The following PITPNM2 variants were observed in gnomAD, a reference collection of about 807,000 sequenced individuals.
PITPNM2 encodes membrane-associated phosphatidylinositol transfer protein 2.
PITPNM2 carries 35 observed loss-of-function variants against 132.2 expected under a neutral mutation model. The ratio of observed to expected loss-of-function variants is 0.26; its 90% CI spans 0.20 to 0.35. The LOEUF (loss-of-function observed/expected upper bound fraction) is 0.35. Among genes scored for constraint, PITPNM2 ranks in the 10% least tolerant of loss-of-function variants. The pLI, the probability that PITPNM2 is intolerant of heterozygous loss-of-function variation, is 1.00. For missense variants in PITPNM2, 1,332 were observed against 1,912.0 expected (o/e 0.70, Z 5.66); for synonymous variants, 738 against 799.2 (o/e 0.92, Z 1.29).
chr12:123,086,266 C>A (rs1303945498), intron 2 of PITPNM2, among the ~76,000 whole-genome samples: 1 of 152,194 alleles, frequency 6.6e-6, no homozygotes, highest in Non-Finnish European at 1.5e-5. Context: ...CAGGTCCTGG[C>A]TCCATCATTT....
intron 1 of PITPNM2, among the ~76,000 whole-genome samples, chr12:123,137,902 A>AG (rs61411333): frequency 0.069 from 10,387 of 150,228 alleles, 520 homozygotes; most frequent in African/African-American, 0.14. Context: ...CAAAAAAAAA[A>AG]AAAAAGAAGA....
chr12:123,132,451 G>A (rs1020222053), intron 1 of PITPNM2, among the ~76,000 whole-genome samples: 5 of 152,086 alleles, frequency 3.3e-5, no homozygotes, highest in Admixed American at 1.3e-4. Context: ...GAGGTTCTCA[G>A]CAGTATTCAT....
chr12:123,081,697 G>A (rs2041968657), intron 2 of PITPNM2: 1 of 152,212 alleles, frequency 6.6e-6, no homozygotes, highest in Non-Finnish European at 1.5e-5. Context: ...CCACCAAGCT[G>A]GCCCTGCAGG....
Position 123,082,215 on chromosome 12 carries a change from C to G in PITPNM2, c.-96+28170G>C, listed in dbSNP as rs2041984629. ...TGGGCAAGTTCCTGCCTTGGGGCAT[C>G]TGTACTTGCCACTCTCCCTCCCCTC... On this transcript the variant is annotated intron_variant, in intron 2 of 25. Coordinates refer to ENST00000320201, the MANE Select transcript of PITPNM2 (RefSeq NM_020845.3). The surrounding 1 kb of genome is among the most constrained non-coding windows in gnomAD (Gnocchi z 5.4). 6.6e-6 allele frequency among the ~76,000 whole-genome samples: 1 copy of G among 152,238 alleles called. No homozygotes were observed. Among genetic ancestry groups the G allele is most frequent in the South Asian group, 2.1e-4 (1 of 4,828 alleles).
chr12:123,134,529 A>C (rs989875859), intron 1 of PITPNM2, among the ~76,000 whole-genome samples: 5 of 152,160 alleles, frequency 3.3e-5, no homozygotes, highest in Non-Finnish European at 5.9e-5. Context: ...GTTCTTGCAC[A>C]CACAAATGCC....
chr12:123,022,765 C>CCCTA lies in PITPNM2; in HGVS notation c.79-8727_79-8724dup, dbSNP rs1455417525. Among the ~76,000 whole-genome samples the CCCTA allele has an allele frequency of 6.6e-6, 1 of 152,230 alleles. No individual in the cohort carries two copies. The highest frequency in any genetic ancestry group is 2.4e-5 in the African/African-American group (1 of 41,464). On this transcript the variant is annotated intron_variant, in intron 3 of 25. Coordinates refer to ENST00000320201, the MANE Select transcript of PITPNM2 (RefSeq NM_020845.3). This position sits in a 1 kb window ranked among gnomAD's most constrained non-coding sequence, Gnocchi z 4.9. Reference sequence around the variant, plus strand: ...CTGCATGTGCATCAGAACCCCCAACCCCTACCTAATAGGCACCAGGCATGG... The same window carrying CCCTA: ...CTGCATGTGCATCAGAACCCCCAACCCCTACCTACCTAATAGGCACCAGGCATGG...
chr12:122,988,612 T>G, intron 19 of PITPNM2, 112 bp downstream of exon 19: 4 of 1,183,748 alleles, frequency 3.4e-6, no homozygotes, highest in Non-Finnish European at 4.7e-6. Flanking sequence ...GCTTGCTCTG[T>G]GATCTGATGG....
intron 3 of PITPNM2, among the ~76,000 whole-genome samples, chr12:123,033,369 G>A (rs186331570): frequency 6.6e-6 from 1 of 152,310 alleles, no homozygotes; most frequent in African/African-American, 2.4e-5. Flanking sequence ...AGAAAGGACT[G>A]CAGCCAGGAC....
At chr12:123,069,247 TAA>T (rs775414823) in intron 2 of PITPNM2, among the ~76,000 whole-genome samples, 20 of 130,092 alleles carry the variant, frequency 1.5e-4, no homozygotes, top group Non-Finnish European at 1.3e-4. Context: ...ACCTACTCTC[TAA>T]AAAAAAAAAA....
In PITPNM2 at chr12:123,097,012, T is replaced by C. The variant is rs1198237077; in HGVS notation, c.-96+13373A>G. 3.3e-5 allele frequency among the ~76,000 whole-genome samples: 5 copies of C among 152,220 alleles called. No individual in the cohort carries two copies. In the East Asian group the frequency reaches 7.7e-4, roughly 24 times the overall value. ...GTGGGGCCACCCTGCCATCTCTCTT[T>C]ATTTTTATTATTATTTATTTATTTA... On this transcript the variant is annotated intron_variant, in intron 2 of 25. Coordinates refer to ENST00000320201, the MANE Select transcript of PITPNM2 (RefSeq NM_020845.3). This position sits in a 1 kb window ranked among gnomAD's most constrained non-coding sequence, Gnocchi z 4.7.
At chr12:123,040,892 G>A (rs2040448935) in intron 2 of PITPNM2, among the ~76,000 whole-genome samples, 1 of 152,192 alleles carries the variant, frequency 6.6e-6, no homozygotes, top group Non-Finnish European at 1.5e-5. Context: ...CTGTTTGTAT[G>A]AAGAGTGTGG....
rs2136820068 is a variant in PITPNM2, at chr12:123,064,759, C to T, written c.-95-30074G>A. Among the ~76,000 whole-genome samples, 1 of 152,306 alleles carries T rather than the reference C, an allele frequency of 6.6e-6. No homozygotes were observed. The highest frequency in any genetic ancestry group is 2.1e-4 in the South Asian group (1 of 4,832). On this transcript the variant is annotated intron_variant, in intron 2 of 25. Coordinates refer to ENST00000320201, the MANE Select transcript of PITPNM2 (RefSeq NM_020845.3). This position sits in a 1 kb window ranked among gnomAD's most constrained non-coding sequence, Gnocchi z 4.0. ...ATCACCCTCACCCTGCAAAAAAAAG[C>T]TAGTGGGAAACAAACAACACAATGA... is the stretch of plus-strand genomic sequence containing the variant.
At chr12:123,120,958 G>A (rs1304016604) in intron 1 of PITPNM2, among the ~76,000 whole-genome samples, 2 of 152,238 alleles carry the variant, frequency 1.3e-5, no homozygotes, top group Non-Finnish European at 2.9e-5. Context: ...GCAGGCCAGA[G>A]ACACACTTCT....
At chr12:123,125,171 G>A (rs1593028601) in intron 1 of PITPNM2, among the ~76,000 whole-genome samples, 1 of 152,068 alleles carries the variant, frequency 6.6e-6, no homozygotes, top group African/African-American at 2.4e-5. Flanking sequence ...TGTTGCCCAG[G>A]TTGGTCTCAA....
chr12:122,986,600 T>A lies in PITPNM2; in HGVS notation c.3598-36A>T, dbSNP rs919194705. 3 of 1,599,532 alleles carry A rather than the reference T, an allele frequency of 1.9e-6. No individual in the cohort carries two copies. In the African/African-American group the frequency reaches 4.0e-5, roughly 21 times the overall value. ...ACTGGCATGGGCACAGGCACCATGG[T>A]CCCTCTGCCCCCACCCCTGCCCTGC... On this transcript the variant is annotated intron_variant, in intron 24 of 25. Coordinates refer to ENST00000320201, the MANE Select transcript of PITPNM2 (RefSeq NM_020845.3).
At chr12:123,086,627 T>A (rs75326947) in intron 2 of PITPNM2, among the ~76,000 whole-genome samples, 2 of 152,198 alleles carry the variant, frequency 1.3e-5, no homozygotes, top group African/African-American at 4.8e-5. Flanking sequence ...ATGTTGCATA[T>A]GAGGAAACTG....
chr12:122,995,407 T>G lies in PITPNM2; in HGVS notation c.2036A>C (p.His679Pro). ...TGCCCACCTGGACAGGAAGGCCTGG[T>G]GCTGCTGGATGGTATCCAGCTCGTA... is the stretch of plus-strand genomic sequence containing the variant. ...STYELDTIQQHQAFLSSLHAS... is the reference protein window; with the variant it reads ...STYELDTIQQPQAFLSSLHAS... The change falls in exon 14 of 26, where the codon CAC becomes CCC. Residue 679 changes from histidine to proline, a missense_variant. Around this residue, in one of 6 missense-constraint regions of PITPNM2, gnomAD observed 710 missense variants for 911.5 expected, o/e 0.78. Transcript: ENST00000320201. 6.2e-7 allele frequency: 1 copy of G among 1,603,066 alleles called. No homozygotes were observed. The highest frequency in any genetic ancestry group is 8.5e-7 in the Non-Finnish European group (1 of 1,173,500).
intron 3 of PITPNM2, among the ~76,000 whole-genome samples, chr12:123,032,785 TCC>T (rs2040138396): frequency 2.0e-5 from 3 of 152,184 alleles, no homozygotes; most frequent in Admixed American, 2.0e-4. Flanking sequence ...TTAAGCTGCT[TCC>T]TCTCTCTCCA....
intron 2 of PITPNM2, among the ~76,000 whole-genome samples, chr12:123,049,302 C>T (rs1387136898): frequency 6.6e-6 from 1 of 152,154 alleles, no homozygotes; most frequent in Non-Finnish European, 1.5e-5. Context: ...CGCCCTTCAC[C>T]CTGCCTTGTC....
Sources: gnomAD v4.1 joint callset for allele counts (sites outside exome capture counted in the v4.1 genomes callset) on GRCh38, gnomAD v4.1.1 for gene constraint, gnomAD v4.1.1 regional missense constraint, Gnocchi (gnomAD v3.1) non-coding constraint, MANE v1.5 for transcripts, NCBI Gene and HGNC (gene_info 2026-07-23, HGNC 2026-07-21) for gene names.